The following ATF6B variants were observed in gnomAD, a reference collection of about 807,000 sequenced individuals.
ATF6B encodes the protein activating transcription factor 6 beta, also known as cyclic AMP-dependent transcription factor ATF-6 beta.
ATF6B carries 50 observed loss-of-function variants against 83.5 expected under a neutral mutation model. That is an observed-to-expected ratio of 0.60 (90% CI 0.48 to 0.76). ATF6B has a LOEUF of 0.76. Among genes scored for constraint, ATF6B ranks in the 30% least tolerant of loss-of-function variants. ATF6B has a pLI of 0.00. For missense variants in ATF6B, 790 were observed against 893.8 expected (o/e 0.88, Z 1.48); for synonymous variants, 344 against 362.8 (o/e 0.95, Z 0.59).
At chr6:32,127,218 T>C (rs766544953) in intron 3 of ATF6B, 24 bp from the exon 4 acceptor site, 6 of 1,583,022 alleles carry the variant, frequency 3.8e-6, no homozygotes, top group Middle Eastern at 1.7e-4. Flanking sequence ...AGTTAGAAAT[T>C]ATCAGGAAGC....
Position 32,119,949 on chromosome 6 carries a change from C to CTGG in ATF6B, c.838_840dup (p.Pro280dup). Reference sequence around the variant, plus strand: ...CGAATAGCACCCTGGATGAGGACAACTGGGGACACTGGGGCAAGTGAGCAG... The same window carrying CTGG: ...CGAATAGCACCCTGGATGAGGACAACTGGTGGGGACACTGGGGCAAGTGAGCAG... On this transcript the variant is annotated inframe_insertion, in exon 9 of 18. Coordinates refer to ENST00000375203, the MANE Select transcript of ATF6B (RefSeq NM_004381.5). The surrounding 1 kb of genome is among the most constrained non-coding windows in gnomAD (Gnocchi z 4.9). The CTGG allele has an allele frequency of 6.2e-7, 1 of 1,613,938 alleles. No homozygotes were observed. Among genetic ancestry groups the CTGG allele is most frequent in the Non-Finnish European group, 8.5e-7 (1 of 1,179,914 alleles).
Position 32,116,569 on chromosome 6 carries a change from G to A in ATF6B, c.1798-5C>T. The A allele has an allele frequency of 6.3e-7, 1 of 1,597,038 alleles. No individual in the cohort carries two copies. ...GGCTGGGAGCAGCAGGTGGTCCTGGGGAACAGATGGGCCAGGCCAGAAGGG... is the reference window on the plus strand; with the variant it reads ...GGCTGGGAGCAGCAGGTGGTCCTGGAGAACAGATGGGCCAGGCCAGAAGGG... On this transcript the variant is annotated splice_region_variant and splice_polypyrimidine_tract_variant and intron_variant, in intron 16 of 17. Coordinates refer to ENST00000375203, the MANE Select transcript of ATF6B (RefSeq NM_004381.5). This position sits in a 1 kb window ranked among gnomAD's most constrained non-coding sequence, Gnocchi z 5.1.
chr6:32,123,155 G>A lies in ATF6B; in HGVS notation c.479-1807C>T, dbSNP rs1781830930. On this transcript the variant is annotated intron_variant, in intron 5 of 17. Coordinates refer to ENST00000375203, the MANE Select transcript of ATF6B (RefSeq NM_004381.5). ...AGGCAGGACAATAGCTTAAACCCAG[G>A]AAACGGAGGTTGCAGTGAGTGGAGA... 1.4e-5 allele frequency among the ~76,000 whole-genome samples: 2 copies of A among 143,804 alleles called. 1 individual carries two copies. Among genetic ancestry groups the A allele is most frequent in the South Asian group, 4.4e-4 (2 of 4,526 alleles). The allele number at this position is 143,804 out of a possible 152,430, so 94.3% of individuals were successfully genotyped here.
chr6:32,126,817 G>A (rs1046665862), intron 4 of ATF6B, among the ~76,000 whole-genome samples: 11 of 152,078 alleles, frequency 7.2e-5, no homozygotes, highest in African/African-American at 1.7e-4. Context: ...CTGTGACCCT[G>A]TCACTACACT....
chr6:32,119,849 C>G lies in ATF6B; in HGVS notation c.941G>C (p.Gly314Ala). The change falls in exon 9 of 18, where the codon GGA becomes GCA. Residue 314 changes from glycine (G) to alanine (A), a missense_variant. Coordinates refer to ENST00000375203, the MANE Select transcript of ATF6B (RefSeq NM_004381.5). This position sits in a 1 kb window ranked among gnomAD's most constrained non-coding sequence, Gnocchi z 4.9. ...ATCCACTTCAGGCGGGCAGGAGTTT[C>G]CAGGCATAGGAGCGGGAACGATGCT... Reference protein sequence around the residue: ...RKSIVPAPMPGNSCPPEVDAK... With the variant: ...RKSIVPAPMPANSCPPEVDAK... The G allele has an allele frequency of 6.2e-7, 1 of 1,614,154 alleles. No individual in the cohort carries two copies. The highest frequency in any genetic ancestry group is 8.5e-7 in the Non-Finnish European group (1 of 1,180,022).
At position 32,120,781 on chromosome 6, in the gene ATF6B, C is replaced by G. The variant is rs1385738471; in HGVS notation, c.822G>C (p.Gln274His). Residue 274 changes from glutamine (Q) to histidine (H), a missense_variant, in exon 8 of 18, where the codon CAG becomes CAC. Physicochemically the swap from Gln to His is conservative, Grantham distance 24. Transcript: ENST00000375203. ...STTVLLQSLV[Q>H]PPPVSPVVLI... The stretch of plus-strand genomic sequence containing the variant: ...CTCCTTCTTCAGTACCTGGGGGTGG[C>G]TGGACGAGGGACTGCAGAAGGACTG... 1 of 1,609,852 alleles carries G rather than the reference C, an allele frequency of 6.2e-7. No homozygotes were observed.
In ATF6B at chr6:32,118,988, G is replaced by C; in HGVS notation, c.1120C>G (p.Leu374Val). 3.1e-6 allele frequency: 5 copies of C among 1,614,134 alleles called. No individual in the cohort carries two copies. Among genetic ancestry groups the C allele is most frequent in the Non-Finnish European group, 3.4e-6 (4 of 1,179,976 alleles). Residue 374 changes from leucine to valine, a missense_variant, in exon 10 of 18, where the codon CTC becomes GTC. Physicochemically the swap from Leu to Val is conservative, Grantham distance 32 (BLOSUM62 1). Around this residue, in one of 3 missense-constraint regions of ATF6B, gnomAD observed 530 missense variants for 632.6 expected, o/e 0.84. Coordinates refer to ENST00000375203, the MANE Select transcript of ATF6B (RefSeq NM_004381.5). This position sits in a 1 kb window ranked among gnomAD's most constrained non-coding sequence, Gnocchi z 5.2. ...AGCAGGGCCTCCAGCCGCCGCCGGA[G>C]GGCAGCATTCTCTCGGCGGAGCTGC... ...NQQLRRENAA[L>V]RRRLEALLAE...
chr6:32,116,888 G>T lies in ATF6B; in HGVS notation c.1686-73C>A. 1 of 1,562,962 alleles carries T rather than the reference G, an allele frequency of 6.4e-7. No homozygotes were observed. The highest frequency in any genetic ancestry group is 8.8e-7 in the Non-Finnish European group (1 of 1,135,204). On this transcript the variant is annotated intron_variant, in intron 15 of 17. Coordinates refer to ENST00000375203, the MANE Select transcript of ATF6B (RefSeq NM_004381.5). The surrounding 1 kb of genome is among the most constrained non-coding windows in gnomAD (Gnocchi z 5.1). ...CAGTTTCTACCAGGGAAGCGGGTAG[G>T]ATGAGAGAAAAAGACAGGAGACCCC...
intron 5 of ATF6B, 50 bp downstream of exon 5, chr6:32,126,067 C>T: frequency 6.2e-7 from 1 of 1,609,768 alleles, no homozygotes; most frequent in Non-Finnish European, 8.5e-7. Flanking sequence ...ACACACATAA[C>T]ACATTCTCCC....
rs774647667 is a variant in ATF6B at position 32,116,591 on chromosome 6, A to G, written c.1798-27T>C. 13 of 1,598,604 alleles carry G rather than the reference A, an allele frequency of 8.1e-6. No individual in the cohort carries two copies. The highest frequency in any genetic ancestry group is 1.7e-5 in the Admixed American group (1 of 59,334). Reference sequence around the variant, plus strand: ...TGGGGAACAGATGGGCCAGGCCAGAAGGGTGGAGGCAAAGATGCCAACAAG... The same window carrying G: ...TGGGGAACAGATGGGCCAGGCCAGAGGGGTGGAGGCAAAGATGCCAACAAG... On this transcript the variant is annotated intron_variant, in intron 16 of 17. Transcript: ENST00000375203. This position sits in a 1 kb window ranked among gnomAD's most constrained non-coding sequence, Gnocchi z 5.1.
At chr6:32,127,286 C>G in intron 3 of ATF6B, 92 bp from the exon 4 acceptor site, 3 of 1,389,558 alleles carry the variant, frequency 2.2e-6, no homozygotes, top group Non-Finnish European at 3.0e-6. Flanking sequence ...ATTCCTGTAC[C>G]GCAGCAAGGG....
Position 32,117,435 on chromosome 6 carries a change from T to A in ATF6B, c.1533-31A>T, listed in dbSNP as rs1282407389. ...GAAATGGAGGAGCTCAGGACCTCCA[T>A]GCCAGGCCAAGATTCCCACCCTCCT... On this transcript the variant is annotated intron_variant, in intron 13 of 17. Coordinates refer to ENST00000375203, the MANE Select transcript of ATF6B (RefSeq NM_004381.5). The surrounding 1 kb of genome is among the most constrained non-coding windows in gnomAD (Gnocchi z 5.0). 4 of 1,611,850 alleles carry A rather than the reference T, an allele frequency of 2.5e-6. No individual in the cohort carries two copies. Among genetic ancestry groups the A allele is most frequent in the Non-Finnish European group, 3.4e-6 (4 of 1,178,832 alleles).
rs1182968697 is a variant in ATF6B at position 32,125,926 on chromosome 6, C to CCTTG, written c.478+187_478+190dup. ...ATAATATCCATCTCCTCAGCACTGC[C>CCTTG]CTTGCTGTGGTTCCCTGAAATGTTT... On this transcript the variant is annotated intron_variant, in intron 5 of 17. Transcript: ENST00000375203. The surrounding 1 kb of genome is among the most constrained non-coding windows in gnomAD (Gnocchi z 4.1). 1.4e-6 allele frequency: 1 copy of CCTTG among 703,972 alleles called. No homozygotes were observed. The highest frequency in any genetic ancestry group is 2.3e-6 in the Non-Finnish European group (1 of 434,236). 43.6% of individuals were successfully genotyped at this position (703,972 alleles called of 1,614,324 possible). A position where few individuals can be genotyped will look rare whatever the true frequency, so the allele number is the denominator to read the frequency against.
At chr6:32,122,605 T>C (rs976445486) in intron 5 of ATF6B, among the ~76,000 whole-genome samples, 2 of 151,572 alleles carry the variant, frequency 1.3e-5, no homozygotes, top group South Asian at 2.1e-4. Flanking sequence ...TCCCAGCACT[T>C]TGGGAGGCCG....
At chr6:32,127,050 G>T (rs1296098951) in intron 4 of ATF6B, 53 bp downstream of exon 4, 7 of 1,401,682 alleles carry the variant, frequency 5.0e-6, no homozygotes, top group Non-Finnish European at 6.7e-6. Flanking sequence ...ACGGGTGAAG[G>T]GAATGAAGCA....
rs1212052941 is a variant in ATF6B at position 32,118,648 on chromosome 6, C to T, written c.1244+127G>A. On this transcript the variant is annotated intron_variant, in intron 11 of 17. Coordinates refer to ENST00000375203, the MANE Select transcript of ATF6B (RefSeq NM_004381.5). This position sits in a 1 kb window ranked among gnomAD's most constrained non-coding sequence, Gnocchi z 5.2. ...GGAAGGGGCTGGCCAGACACATCAT[C>T]GGTGCCAAGGACACCAGAACCATTT... 27 of 884,554 alleles carry T rather than the reference C, an allele frequency of 3.1e-5. No homozygotes were observed. Among genetic ancestry groups the T allele is most frequent in the East Asian group, 1.0e-4 (4 of 38,522 alleles). 54.8% of individuals were successfully genotyped at this position (884,554 alleles called of 1,614,324 possible). A position where few individuals can be genotyped will look rare whatever the true frequency, so the allele number is the denominator to read the frequency against.
Position 32,126,206 on chromosome 6 carries a change from G to A in ATF6B, c.389C>T (p.Ala130Val). Residue 130 changes from alanine to valine, a missense_variant, in exon 5 of 18, where the codon GCA (alanine) becomes GTA (valine). By Grantham distance (64) the Ala-to-Val change is moderately conservative. Around this residue, in one of 3 missense-constraint regions of ATF6B, gnomAD observed 253 missense variants for 243.1 expected, o/e 1.04. Transcript: ENST00000375203. ...EVLHVKTESL[A>V]PPLCLLGDDP... The stretch of plus-strand genomic sequence containing the variant: ...ATCTCCCAGGAGACACAGTGGGGGT[G>A]CCAAGGACTCTGTCTTCACATGGAG... 1 of 1,614,206 alleles carries A rather than the reference G, an allele frequency of 6.2e-7. No individual in the cohort carries two copies. The highest frequency in any genetic ancestry group is 8.5e-7 in the Non-Finnish European group (1 of 1,180,018).
At position 32,117,439 on chromosome 6, in the gene ATF6B, A is replaced by G; in HGVS notation, c.1533-35T>C. 1.2e-6 allele frequency: 2 copies of G among 1,610,850 alleles called. No homozygotes were observed. The highest frequency in any genetic ancestry group is 1.7e-6 in the Non-Finnish European group (2 of 1,178,056). ...TGGAGGAGCTCAGGACCTCCATGCCAGGCCAAGATTCCCACCCTCCTTGCC... is the reference window on the plus strand; with the variant it reads ...TGGAGGAGCTCAGGACCTCCATGCCGGGCCAAGATTCCCACCCTCCTTGCC... On this transcript the variant is annotated intron_variant, in intron 13 of 17. Transcript: ENST00000375203. The surrounding 1 kb of genome is among the most constrained non-coding windows in gnomAD (Gnocchi z 5.0).
intron 5 of ATF6B, among the ~76,000 whole-genome samples, chr6:32,124,419 T>A: frequency 1.3e-5 from 2 of 152,356 alleles, no homozygotes; most frequent in Admixed American, 1.3e-4. Flanking sequence ...GCTTTCTTCA[T>A]GACATCCGAA....
Sources: allele counts gnomAD v4.1 joint callset (sites outside exome capture counted in the v4.1 genomes callset), GRCh38; gene constraint gnomAD v4.1.1; regional missense constraint gnomAD v4.1.1; non-coding constraint Gnocchi (gnomAD v3.1); transcripts MANE v1.5; gene names NCBI Gene and HGNC (gene_info 2026-07-23, HGNC 2026-07-21).